EIF2S3B: variants seen among roughly 807,000 people sequenced by gnomAD.
EIF2S3B encodes the protein eukaryotic translation initiation factor 2 subunit 3B.
EIF2S3B carries 16 observed loss-of-function variants against 26.4 expected under a neutral mutation model. The observed-to-expected ratio is 0.61, with a 90% CI of 0.41 to 0.92. The LOEUF is 0.92. Among genes scored for constraint, EIF2S3B ranks in the 40% least tolerant of loss-of-function variants. The pLI, the probability that EIF2S3B is intolerant of heterozygous loss-of-function variation, is 0.00. For missense variants in EIF2S3B, 510 were observed against 575.5 expected (o/e 0.89, Z 1.16); for synonymous variants, 183 against 204.4 (o/e 0.90, Z 0.89).
In EIF2S3B at chr12:10,508,321, T is replaced by A. The variant is rs1158633706; in HGVS notation, c.*1000T>A. 6.6e-6 allele frequency among the ~76,000 whole-genome samples: 1 copy of A among 152,140 alleles called. No individual in the cohort carries two copies. The highest frequency in any genetic ancestry group is 2.4e-5 in the African/African-American group (1 of 41,426). On this transcript the variant is annotated 3_prime_UTR_variant, in exon 1 of 1. Coordinates refer to ENST00000538173, the MANE Select transcript of EIF2S3B (RefSeq NM_001357734.3). ...TCCCTGTGATGCCTTGAGATGTTTT[T>A]CTGCATTGTTTTATGCCTGAAATCC...
At chr12:10,517,406 T>C (rs950040358) in intron 1 of EIF2S3B, among the ~76,000 whole-genome samples, 1 of 152,156 alleles carries the variant, frequency 6.6e-6, no homozygotes, top group Non-Finnish European at 1.5e-5. Flanking sequence ...CGTAGAGGTG[T>C]TTGTAGTATT....
rs541163405 is a variant in EIF2S3B, at chr12:10,507,272, G to T, written c.1370G>T (p.Gly457Val). The change falls in exon 1 of 1, where the codon GGT becomes GTT. Residue 457 changes from glycine (G) to valine (V), a missense_variant. Coordinates refer to ENST00000538173, the MANE Select transcript of EIF2S3B (RefSeq NM_001357734.3). ...AAACACTGGCGTTTAATTGGTTGGGGTCAGATAAGAAGAGGAGTGACAATC... is the reference window on the plus strand; with the variant it reads ...AAACACTGGCGTTTAATTGGTTGGGTTCAGATAAGAAGAGGAGTGACAATC... ...VEKHWRLIGW[G>V]QIRRGVTIKP... The T allele has an allele frequency of 1.2e-6, 2 of 1,613,558 alleles. No individual in the cohort carries two copies. Among genetic ancestry groups the T allele is most frequent in the Admixed American group, 1.7e-5 (1 of 60,004 alleles).
At chr12:10,515,008 A>T (rs1386641125) in intron 1 of EIF2S3B, among the ~76,000 whole-genome samples, 1 of 152,130 alleles carries the variant, frequency 6.6e-6, no homozygotes, top group Non-Finnish European at 1.5e-5. Flanking sequence ...TTTTTAACAT[A>T]GTGCAAAAGA....
Position 10,507,420 on chromosome 12 carries a change from T to A in EIF2S3B, c.*99T>A. The A allele has an allele frequency of 6.3e-6, 9 of 1,427,268 alleles. No homozygotes were observed. Among genetic ancestry groups the A allele is most frequent in the Non-Finnish European group, 8.8e-6 (9 of 1,019,590 alleles). The allele number at this position is 1,427,268 out of a possible 1,614,324, so 88.4% of individuals were successfully genotyped here. On this transcript the variant is annotated 3_prime_UTR_variant, in exon 1 of 1. Coordinates refer to ENST00000538173, the MANE Select transcript of EIF2S3B (RefSeq NM_001357734.3). ...TTTCAAAGCGATATTGGGGAATTGATTTCACAGTTTGTTACCTTAGTAGGT... is the reference window on the plus strand; with the variant it reads ...TTTCAAAGCGATATTGGGGAATTGAATTCACAGTTTGTTACCTTAGTAGGT...
At chr12:10,518,384 T>C (rs921195055) in intron 1 of EIF2S3B, among the ~76,000 whole-genome samples, 2 of 152,164 alleles carry the variant, frequency 1.3e-5, no homozygotes, top group African/African-American at 4.8e-5. Flanking sequence ...TGATCTTTGT[T>C]GGTTTAAAGT....
rs7963827 is a variant in EIF2S3B at position 10,507,854 on chromosome 12, C to T, written c.*533C>T. ...AGCCCACCTCGGCCTCACAAAGTGCCGGGATTACAGGCGTGAGCCACCTTG... is the reference window on the plus strand; with the variant it reads ...AGCCCACCTCGGCCTCACAAAGTGCTGGGATTACAGGCGTGAGCCACCTTG... On this transcript the variant is annotated 3_prime_UTR_variant, in exon 1 of 1. Coordinates refer to ENST00000538173, the MANE Select transcript of EIF2S3B (RefSeq NM_001357734.3). Among the ~76,000 whole-genome samples the T allele has an allele frequency of 0.19, 28,485 of 152,100 alleles. 3,027 individuals are homozygous for T. The highest frequency in any genetic ancestry group is 0.29 in the African/African-American group (12,100 of 41,464).
downstream of EIF2S3B, among the ~76,000 whole-genome samples, chr12:10,509,479 C>T (rs1339279156): frequency 6.6e-6 from 1 of 151,866 alleles, no homozygotes; most frequent in Non-Finnish European, 1.5e-5. Context: ...ACTTTCAGAT[C>T]ATGACTTCAA....
At chr12:10,514,789 C>G (rs1232100258) in intron 1 of EIF2S3B, among the ~76,000 whole-genome samples, 1 of 152,142 alleles carries the variant, frequency 6.6e-6, no homozygotes, top group Non-Finnish European at 1.5e-5. Flanking sequence ...TCCTACCCAT[C>G]ATTGCTTTTT....
chr12:10,518,477 T>G (rs1201315971), intron 1 of EIF2S3B, among the ~76,000 whole-genome samples: 2 of 152,128 alleles, frequency 1.3e-5, no homozygotes, highest in Non-Finnish European at 2.9e-5. Context: ...ATTCTTTTAT[T>G]TTGAGCCTAT....
downstream of EIF2S3B, among the ~76,000 whole-genome samples, chr12:10,512,696 T>A (rs1410227986): frequency 6.6e-6 from 1 of 152,084 alleles, no homozygotes; most frequent in Non-Finnish European, 1.5e-5. Context: ...ATCCCTAGTG[T>A]GGATATCACC....
downstream of EIF2S3B, among the ~76,000 whole-genome samples, chr12:10,512,933 T>A (rs145928740): frequency 2.3e-4 from 35 of 152,350 alleles, no homozygotes; most frequent in Non-Finnish European, 4.0e-4. Flanking sequence ...CAATATTTCA[T>A]TCATAAGACG....
chr12:10,521,424 C>G (rs550947580), intron 1 of EIF2S3B, among the ~76,000 whole-genome samples: 7 of 151,900 alleles, frequency 4.6e-5, no homozygotes, highest in African/African-American at 1.7e-4. Context: ...AACTGAGCCT[C>G]AAAGCATATA....
At position 10,508,134 on chromosome 12, in the gene EIF2S3B, A is replaced by G. The variant is rs192663758; in HGVS notation, c.*813A>G. ...ATCTTTGAAATTTTGCATGAAAAGG[A>G]TGCAATGAATGGGTTCGAATTGCAT... On this transcript the variant is annotated 3_prime_UTR_variant, in exon 1 of 1. Transcript: ENST00000538173. 1.3e-5 allele frequency among the ~76,000 whole-genome samples: 2 copies of G among 152,288 alleles called. No homozygotes were observed. Among genetic ancestry groups the G allele is most frequent in the Non-Finnish European group, 2.9e-5 (2 of 68,028 alleles).
At chr12:10,513,060 C>T (rs1864720943), downstream of EIF2S3B, among the ~76,000 whole-genome samples, 1 of 152,234 alleles carries the variant, frequency 6.6e-6, no homozygotes, top group Admixed American at 6.5e-5. Flanking sequence ...GTATATTTCA[C>T]TCCTTCCCGT....
rs1864670853 is a variant in EIF2S3B, at chr12:10,508,524, G to GAA, written c.*1203_*1204insAA. 1.4e-4 allele frequency among the ~76,000 whole-genome samples: 1 copy of GAA among 7,000 alleles called. No homozygotes were observed. Among genetic ancestry groups the GAA allele is most frequent in the Non-Finnish European group, 3.3e-4 (1 of 3,000 alleles). The allele number at this position is 7,000 out of a possible 152,430, so 4.6% of individuals were successfully genotyped here. On this transcript the variant is annotated 3_prime_UTR_variant, in exon 1 of 1. Transcript: ENST00000538173. ...GTCAATAAGTAAAAGATGTTAGAAA[G>GAA]CAAAAAAAAAAAAAAAAAAAAAAAA...
At chr12:10,513,684 T>C (rs994250420) in intron 1 of EIF2S3B, among the ~76,000 whole-genome samples, 1 of 152,172 alleles carries the variant, frequency 6.6e-6, no homozygotes, top group East Asian at 1.9e-4. Flanking sequence ...TTTCCCAAAG[T>C]GGTTGTATCA....
intron 1 of EIF2S3B, among the ~76,000 whole-genome samples, chr12:10,514,206 C>T (rs1864732559): frequency 6.6e-6 from 1 of 151,732 alleles, no homozygotes; most frequent in Non-Finnish European, 1.5e-5. Flanking sequence ...CCCAGATACT[C>T]TACTATATTG....
In EIF2S3B at chr12:10,514,555, G is replaced by A. The variant is rs2047904189; in HGVS notation, c.1308+7345G>A. On this transcript the variant is annotated intron_variant, in intron 1 of 1. Coordinates refer to the EIF2S3B transcript ENST00000322446. ...TGGAGACACAGACCAATTCTTTCTG[G>A]TTGTCTCCAGTGATATACCACAAAG... Among the ~76,000 whole-genome samples the A allele has an allele frequency of 1.3e-5, 2 of 151,934 alleles. 1 individual carries two copies. The highest frequency in any genetic ancestry group is 4.1e-4 in the South Asian group (2 of 4,824).
Position 10,506,414 on chromosome 12 carries a change from C to G in EIF2S3B, c.512C>G (p.Ser171Cys). 6.2e-7 allele frequency: 1 copy of G among 1,613,842 alleles called. No individual in the cohort carries two copies. The highest frequency in any genetic ancestry group is 8.5e-7 in the Non-Finnish European group (1 of 1,179,748). The change falls in exon 1 of 1, where the codon TCT becomes TGT. Residue 171 changes from serine (S) to cysteine (C), a missense_variant. By Grantham distance (112) the Ser-to-Cys change is moderately radical. Coordinates refer to ENST00000538173, the MANE Select transcript of EIF2S3B (RefSeq NM_001357734.3). ...GAATCTTGCCCTCAGCCTCAGACAT[C>G]TGAACACCTGGCTGCTATAGAGATC... ...GNESCPQPQT[S>C]EHLAAIEIMK...
Sources: allele counts gnomAD v4.1 joint callset (sites outside exome capture counted in the v4.1 genomes callset), GRCh38; gene constraint gnomAD v4.1.1; transcripts MANE v1.5; gene names NCBI Gene and HGNC (gene_info 2026-07-23, HGNC 2026-07-21).